CYP20A1: variants seen among roughly 807,000 people sequenced by gnomAD.
The protein encoded by CYP20A1 is cytochrome P450 family 20 subfamily A member 1.
Under a neutral mutation model 61.4 loss-of-function variants are expected in CYP20A1, and 61 were observed. That is an observed-to-expected ratio of 0.99 (90% CI 0.81 to 1.23). The LOEUF is 1.23. Among genes scored for constraint, CYP20A1 ranks in the 50% most tolerant of loss-of-function variants. The probability of loss-of-function intolerance (pLI) is 0.00; values close to 1 mark genes in which losing one functional copy is unlikely to be tolerated. For synonymous variants in CYP20A1, 193 were observed against 188.2 expected (o/e 1.03, Z -0.21); for missense variants, 530 against 542.4 (o/e 0.98, Z 0.23).
intron 8 of CYP20A1, 143 bp from the exon 9 acceptor site, chr2:203,285,469 A>G: frequency 2.4e-6 from 2 of 830,076 alleles, no homozygotes; most frequent in Non-Finnish European, 3.4e-6. Context: ...TTTACTTTTT[A>G]GTAGCACTTA....
intron 8 of CYP20A1, among the ~76,000 whole-genome samples, chr2:203,282,706 G>A (rs893864800): frequency 1.3e-5 from 2 of 151,970 alleles, no homozygotes; most frequent in African/African-American, 4.8e-5. Context: ...AGTCTCCTCC[G>A]AAGTTTTTGA....
rs2068986285 is a variant in CYP20A1, at chr2:203,300,763, C to T, written c.*3855C>T. 6.6e-6 allele frequency among the ~76,000 whole-genome samples: 1 copy of T among 151,232 alleles called. No homozygotes were observed. The highest frequency in any genetic ancestry group is 2.4e-5 in the African/African-American group (1 of 41,120). Reference sequence around the variant, plus strand: ...AATTAGCCGGGCATGATGGAGCATCCCTGTAATCCTAGCTACTTGAGACGC... The same window carrying T: ...AATTAGCCGGGCATGATGGAGCATCTCTGTAATCCTAGCTACTTGAGACGC... On this transcript the variant is annotated 3_prime_UTR_variant, in exon 13 of 13. Coordinates refer to ENST00000356079, the MANE Select transcript of CYP20A1 (RefSeq NM_177538.3).
chr2:203,278,721 AAAAT>A, intron 7 of CYP20A1, 33 bp downstream of exon 7: 3 of 1,240,206 alleles, frequency 2.4e-6, no homozygotes, highest in South Asian at 2.9e-5. Context: ...ATCAGGTAAA[AAAAT>A]AAGCCAGAGC....
At position 203,296,497 on chromosome 2, in the gene CYP20A1, A is replaced by T. The variant is rs1378560147; in HGVS notation, c.1172A>T (p.Asp391Val). ...AGGTTTGATCCAGATCGGTTTGATG[A>T]TGAATTAGTAATGAAAACTTTTTCC... ...PHKFDPDRFD[D>V]ELVMKTFSSL... Residue 391 changes from aspartate (D) to valine (V), a missense_variant, in exon 12 of 13, where the codon GAT becomes GTT. By Grantham distance (152) the Asp-to-Val change is radical. Coordinates refer to ENST00000356079, the MANE Select transcript of CYP20A1 (RefSeq NM_177538.3). 6.2e-7 allele frequency: 1 copy of T among 1,612,188 alleles called. No individual in the cohort carries two copies. The highest frequency in any genetic ancestry group is 1.3e-5 in the African/African-American group (1 of 74,858).
At chr2:203,269,742 C>T (rs1193855706) in intron 5 of CYP20A1, among the ~76,000 whole-genome samples, 1 of 152,066 alleles carries the variant, frequency 6.6e-6, no homozygotes, top group Non-Finnish European at 1.5e-5. Flanking sequence ...GATCCACCTG[C>T]CTCGGCCTCC....
intron 6 of CYP20A1, among the ~76,000 whole-genome samples, chr2:203,274,535 G>A (rs1345456448): frequency 6.6e-6 from 1 of 152,020 alleles, no homozygotes; most frequent in African/African-American, 2.4e-5. Context: ...AAGCATGCAG[G>A]ATAAATTAAA....
intron 9 of CYP20A1, among the ~76,000 whole-genome samples, chr2:203,286,470 T>C (rs1212992570): frequency 7.9e-6 from 1 of 127,000 alleles, no homozygotes; most frequent in Non-Finnish European, 1.7e-5. Flanking sequence ...GGTAAATAGA[T>C]AAACAAATTG....
chr2:203,290,702 G>C (rs1187164976), intron 10 of CYP20A1, among the ~76,000 whole-genome samples: 1 of 152,080 alleles, frequency 6.6e-6, no homozygotes, highest in African/African-American at 2.4e-5. Context: ...GAGTGCAGTT[G>C]TGCAATCTTG....
chr2:203,260,968 T>C (rs1316720566), intron 4 of CYP20A1, among the ~76,000 whole-genome samples: 1 of 152,210 alleles, frequency 6.6e-6, no homozygotes, highest in Non-Finnish European at 1.5e-5. Flanking sequence ...TTTTTTCTTA[T>C]TCTTTTTTTC....
chr2:203,273,962 T>TA (rs1309848056), intron 6 of CYP20A1, among the ~76,000 whole-genome samples: 3 of 151,896 alleles, frequency 2.0e-5, no homozygotes, highest in East Asian at 1.9e-4. Flanking sequence ...AAATAAAAAA[T>TA]AAAAAATTAG....
At chr2:203,257,334 A>T (rs2066930392) in intron 4 of CYP20A1, among the ~76,000 whole-genome samples, 3 of 151,700 alleles carry the variant, frequency 2.0e-5, no homozygotes, top group Admixed American at 1.3e-4. Flanking sequence ...AAAAAAAAAA[A>T]TTCCATTTGG....
At chr2:203,241,852 T>A (rs1185057387) in intron 1 of CYP20A1, among the ~76,000 whole-genome samples, 4 of 152,170 alleles carry the variant, frequency 2.6e-5, no homozygotes, top group African/African-American at 4.8e-5. Flanking sequence ...TTTTATTTTT[T>A]ATTTTTTGAT....
intron 5 of CYP20A1, 115 bp downstream of exon 5, chr2:203,266,796 C>A: frequency 2.4e-6 from 2 of 843,792 alleles, no homozygotes; most frequent in Non-Finnish European, 3.8e-6. Context: ...GCCTGCCCCA[C>A]ATGGTAAAAA....
At chr2:203,278,962 T>C (rs1167399002) in intron 7 of CYP20A1, among the ~76,000 whole-genome samples, 1 of 152,176 alleles carries the variant, frequency 6.6e-6, no homozygotes, top group Admixed American at 6.6e-5. Context: ...TTTTTTGGGT[T>C]TTTTGTTGTT....
intron 3 of CYP20A1, among the ~76,000 whole-genome samples, chr2:203,251,063 CAAAAAAAAAAAA>C (rs35304069): frequency 2.0e-5 from 1 of 50,284 alleles, no homozygotes; most frequent in South Asian, 7.9e-4. Context: ...GATTCTGTCT[CAAAAAAAAAAAA>C]AAAAAAAAAA....
chr2:203,272,570 A>G, intron 5 of CYP20A1, 100 bp from the exon 6 acceptor site: 1 of 538,366 alleles, frequency 1.9e-6, no homozygotes, highest in Admixed American at 4.4e-5. Context: ...AAAAAAAAAA[A>G]AGAGTTAAAG....
At chr2:203,284,309 G>A (rs2068173352) in intron 8 of CYP20A1, among the ~76,000 whole-genome samples, 1 of 152,106 alleles carries the variant, frequency 6.6e-6, no homozygotes, top group Admixed American at 6.6e-5. Flanking sequence ...TTTGACACAG[G>A]AACAATAGAG....
chr2:203,244,639 G>C (rs897579866), intron 1 of CYP20A1, among the ~76,000 whole-genome samples: 1 of 151,818 alleles, frequency 6.6e-6, no homozygotes, highest in Admixed American at 6.6e-5. Context: ...AAATGTACTG[G>C]ATATGTGTTA....
chr2:203,271,122 C>G (rs1015169417), intron 5 of CYP20A1, among the ~76,000 whole-genome samples: 1 of 107,628 alleles, frequency 9.3e-6, no homozygotes, highest in Middle Eastern at 0.011. Context: ...GAGTCTGGCT[C>G]TGTCCCCCAG....
Sources: allele counts gnomAD v4.1 joint callset (sites outside exome capture counted in the v4.1 genomes callset), GRCh38; gene constraint gnomAD v4.1.1; transcripts MANE v1.5; gene names NCBI Gene and HGNC (gene_info 2026-07-23, HGNC 2026-07-21).